Variants in FAM199X observed in about 807,000 individuals in gnomAD.
FAM199X encodes protein FAM199X.
Under a neutral mutation model 22.9 loss-of-function variants are expected in FAM199X, and 4 were observed. That is an observed-to-expected ratio of 0.17 (90% confidence interval 0.09 to 0.40). The LOEUF (loss-of-function observed/expected upper bound fraction) is 0.40. Among genes scored for constraint, FAM199X ranks in the 10% least tolerant of loss-of-function variants. The pLI, the probability that FAM199X is intolerant of heterozygous loss-of-function variation, is 1.00. For synonymous variants in FAM199X, 101 were observed against 112.3 expected, an observed-to-expected ratio of 0.90 and a Z score of 0.64; for missense variants, 183 against 306.8, an observed-to-expected ratio of 0.60 and a Z score of 3.01.
chrX:104,179,148 T>G (rs1210541950), intron 2 of FAM199X, among the ~76,000 whole-genome samples: 1 of 111,617 alleles, frequency 9.0e-6, no homozygotes, highest in Non-Finnish European at 1.9e-5. Flanking sequence ...CATATGAATT[T>G]TAGGATCAGG....
upstream of FAM199X, among the ~76,000 whole-genome samples, chrX:104,163,688 CTT>C (rs1180760241): frequency 7.4e-5 from 7 of 94,235 alleles, no homozygotes; most frequent in Non-Finnish European, 1.3e-4. Flanking sequence ...GGAGGGACCT[CTT>C]TTTTTTTTTT....
chrX:104,172,521 A>G (rs1405934562), intron 1 of FAM199X, among the ~76,000 whole-genome samples: 2 of 111,432 alleles, frequency 1.8e-5, no homozygotes, highest in African/African-American at 6.5e-5. Flanking sequence ...AGCCCGGTTT[A>G]CTTGCTGCTG....
intron 4 of FAM199X, among the ~76,000 whole-genome samples, chrX:104,187,410 T>C (rs1451437682): frequency 1.8e-5 from 2 of 112,219 alleles, no homozygotes; most frequent in Non-Finnish European, 3.8e-5. Flanking sequence ...CAATTTTTGC[T>C]GTTCTTTTTC....
At chrX:104,164,445 TATC>T (rs782246877), upstream of FAM199X, among the ~76,000 whole-genome samples, 246 of 112,478 alleles carry the variant, frequency 2.2e-3, no homozygotes, top group Non-Finnish European at 3.7e-3. Flanking sequence ...AGCAGTTAGT[TATC>T]ATGTGGTCAT....
chrX:104,161,834 C>T (rs1344120575), upstream of FAM199X, among the ~76,000 whole-genome samples: 2 of 109,661 alleles, frequency 1.8e-5, no homozygotes, highest in Non-Finnish European at 3.8e-5. Flanking sequence ...GAGCGTGACT[C>T]TGTCTAAAAA....
At chrX:104,163,938 G>A (rs1054808848), upstream of FAM199X, among the ~76,000 whole-genome samples, 17 of 110,518 alleles carry the variant, frequency 1.5e-4, no homozygotes, top group Non-Finnish European at 2.3e-4. Flanking sequence ...AAAGTGCTGG[G>A]ATTACAGGCA....
rs1292247928 is a variant in FAM199X at position 104,195,552 on chromosome X, T to G, written c.*5774T>G. The G allele has an allele frequency of 9.0e-6, 1 of 111,415 alleles. No homozygotes were observed. The highest frequency in any genetic ancestry group is 1.9e-5 in the Non-Finnish European group (1 of 53,049). The allele number at this position is 111,415 out of a possible 1,213,427, so 9.2% of individuals were successfully genotyped here. ...AGGTCTAATTTTTTTTGACAAAAAA[T>G]AGATCTATTTTCCTTATATATTGAT... On this transcript the variant is annotated 3_prime_UTR_variant, in exon 6 of 6. Coordinates refer to ENST00000493442, the MANE Select transcript of FAM199X (RefSeq NM_207318.4).
Position 104,192,203 on chromosome X carries a change from T to G in FAM199X, c.*2425T>G, listed in dbSNP as rs782532049. 5.4e-5 allele frequency: 6 copies of G among 111,924 alleles called. No individual in the cohort carries two copies. The highest frequency in any genetic ancestry group is 1.3e-4 in the African/African-American group (4 of 30,996). 9.2% of individuals were successfully genotyped at this position (111,924 alleles called of 1,213,427 possible). A position where few individuals can be genotyped will look rare whatever the true frequency, so the allele number is the denominator to read the frequency against. On this transcript the variant is annotated 3_prime_UTR_variant, in exon 6 of 6. Coordinates refer to ENST00000493442, the MANE Select transcript of FAM199X (RefSeq NM_207318.4). ...TCATGTGCTGTACATTTTTTCCGTT[T>G]TAATGTCTTGTGTAGATAATTCAAA...
Position 104,191,980 on chromosome X carries a change from A to G in FAM199X, c.*2202A>G, listed in dbSNP as rs1470823181. ...ATGAAATTTTGTGTAAATCCAGATG[A>G]ACTGTCATTATAGTACTATAAATTA... On this transcript the variant is annotated 3_prime_UTR_variant, in exon 6 of 6. Coordinates refer to ENST00000493442, the MANE Select transcript of FAM199X (RefSeq NM_207318.4). The G allele has an allele frequency of 3.6e-5, 4 of 111,982 alleles. No individual in the cohort carries two copies. Among genetic ancestry groups the G allele is most frequent in the Non-Finnish European group, 7.5e-5 (4 of 53,108 alleles). The allele number at this position is 111,982 out of a possible 1,213,427, so 9.2% of individuals were successfully genotyped here. A position where few individuals can be genotyped will look rare whatever the true frequency, so the allele number is the denominator to read the frequency against.
Position 104,194,088 on chromosome X carries a change from C to T in FAM199X, c.*4310C>T, listed in dbSNP as rs1423235568. The T allele has an allele frequency of 9.0e-6, 1 of 111,290 alleles. No homozygotes were observed. The highest frequency in any genetic ancestry group is 1.9e-5 in the Non-Finnish European group (1 of 52,820). 9.2% of individuals were successfully genotyped at this position (111,290 alleles called of 1,213,427 possible). ...TAACATTAAAATTATTTCTTTTTGGCTCTCCCTCTAGTTATTTTTTAAATT... is the reference window on the plus strand; with the variant it reads ...TAACATTAAAATTATTTCTTTTTGGTTCTCCCTCTAGTTATTTTTTAAATT... On this transcript the variant is annotated 3_prime_UTR_variant, in exon 6 of 6. Transcript: ENST00000493442.
chrX:104,163,986 A>T (rs185819983), upstream of FAM199X, among the ~76,000 whole-genome samples: 2,054 of 110,776 alleles, frequency 0.019, 26 homozygotes, highest in African/African-American at 0.043. Flanking sequence ...CTTTTTTTTT[A>T]AAAAAAATTC....
chrX:104,160,751 G>A, the FAM199X span, among the ~76,000 whole-genome samples: 1 of 112,088 alleles, frequency 8.9e-6, no homozygotes, highest in Admixed American at 9.5e-5. Context: ...CTAGTTAAGA[G>A]TAATGTTCAG....
intron 4 of FAM199X, 62 bp downstream of exon 4, chrX:104,186,683 ACTAAAAT>A: frequency 6.9e-6 from 7 of 1,018,754 alleles, no homozygotes; most frequent in Non-Finnish European, 9.3e-6. Context: ...TAAAATGTAG[ACTAAAAT>A]AATCATGTGT....
intron 2 of FAM199X, among the ~76,000 whole-genome samples, chrX:104,177,532 G>A (rs1259661803): frequency 1.8e-5 from 2 of 111,894 alleles, no homozygotes; most frequent in African/African-American, 6.5e-5. Context: ...ACTTTTTGAG[G>A]AACTGCCAAC....
Position 104,189,967 on chromosome X carries a change from A to C in FAM199X, c.*189A>C, listed in dbSNP as rs1478881901. ...TCACTTGAGAAGTTGTTAGGAATGCATACTAGTGGGCCCCGCCCCCAGACA... is the reference window on the plus strand; with the variant it reads ...TCACTTGAGAAGTTGTTAGGAATGCCTACTAGTGGGCCCCGCCCCCAGACA... On this transcript the variant is annotated 3_prime_UTR_variant, in exon 6 of 6. Coordinates refer to ENST00000493442, the MANE Select transcript of FAM199X (RefSeq NM_207318.4). The C allele has an allele frequency of 1.2e-5, 5 of 418,741 alleles. No homozygotes were observed. The highest frequency in any genetic ancestry group is 2.0e-5 in the Non-Finnish European group (5 of 247,986). The allele number at this position is 418,741 out of a possible 1,213,427, so 34.5% of individuals were successfully genotyped here. A position where few individuals can be genotyped will look rare whatever the true frequency, so the allele number is the denominator to read the frequency against.
At chrX:104,164,093 G>C (rs1556373184), upstream of FAM199X, among the ~76,000 whole-genome samples, 1 of 112,599 alleles carries the variant, frequency 8.9e-6, no homozygotes, top group Non-Finnish European at 1.9e-5. Flanking sequence ...TTGTACAAAT[G>C]TAACACCAAA....
chrX:104,167,280 A>T (rs781832924), intron 1 of FAM199X, among the ~76,000 whole-genome samples: 1 of 96,576 alleles, frequency 1.0e-5, no homozygotes, highest in African/African-American at 3.9e-5. Context: ...TACCCTACGA[A>T]TCCCAAACCC....
At chrX:104,187,622 C>A (rs1921838856) in intron 4 of FAM199X, among the ~76,000 whole-genome samples, 1 of 111,713 alleles carries the variant, frequency 9.0e-6, no homozygotes, top group African/African-American at 3.3e-5. Context: ...GTATTGTTGG[C>A]CCCTAGCTAA....
intron 4 of FAM199X, among the ~76,000 whole-genome samples, chrX:104,187,146 C>T (rs1921827319): frequency 9.3e-6 from 1 of 107,009 alleles, no homozygotes; most frequent in East Asian, 2.9e-4. Context: ...TGCAGTGACG[C>T]GATCTCGGCT....
Sources: allele counts gnomAD v4.1 joint callset (sites outside exome capture counted in the v4.1 genomes callset), GRCh38; gene constraint gnomAD v4.1.1; transcripts MANE v1.5; gene names NCBI Gene and HGNC (gene_info 2026-07-23, HGNC 2026-07-21).